Variants in RTL1 observed in about 807,000 individuals in gnomAD.
RTL1 encodes the protein retrotransposon-like protein 1.
For missense variants in RTL1, 1,681 were observed against 1,767.5 expected (o/e 0.95, Z 0.88); for synonymous variants, 727 against 748.4 (o/e 0.97, Z 0.47).
chr14:100,896,679 G>A (rs549617264), intron 2 of RTL1, among the ~76,000 whole-genome samples: 4 of 152,190 alleles, frequency 2.6e-5, no homozygotes, highest in Non-Finnish European at 5.9e-5. Context: ...GTTGCTTCCC[G>A]TTCTCCTGCA....
intron 3 of RTL1, among the ~76,000 whole-genome samples, chr14:100,889,110 A>G (rs898210957): frequency 4.6e-5 from 7 of 152,220 alleles, no homozygotes; most frequent in African/African-American, 1.7e-4. Flanking sequence ...GCAAAAATCC[A>G]AACTCCTTAG....
intron 2 of RTL1, among the ~76,000 whole-genome samples, chr14:100,899,869 C>T (rs1157245972): frequency 2.0e-5 from 3 of 152,204 alleles, no homozygotes; most frequent in Admixed American, 6.5e-5. Flanking sequence ...AAATGCTTAA[C>T]CCCCTCCCTG....
Position 100,882,137 on chromosome 14 carries a change from C to A in RTL1, c.2652G>T (p.Thr884=). The A allele has an allele frequency of 1.9e-6, 3 of 1,553,326 alleles. No individual in the cohort carries two copies. The highest frequency in any genetic ancestry group is 2.6e-6 in the Non-Finnish European group (3 of 1,148,176). The change falls in exon 4 of 4, where the codon ACG becomes ACT. Residue 884 remains threonine, a synonymous_variant. Transcript: ENST00000649591. ...PFYLETGVTG[T]ALHASLIQID... ...TTTGGATCAGGGAGGCGTGCAGGGCCGTGCCGGTGACGCCGGTTTCCAAGT... is the reference window on the plus strand; with the variant it reads ...TTTGGATCAGGGAGGCGTGCAGGGCAGTGCCGGTGACGCCGGTTTCCAAGT...
chr14:100,885,916 C>T (rs2038691902), intron 3 of RTL1, among the ~76,000 whole-genome samples: 1 of 152,158 alleles, frequency 6.6e-6, no homozygotes, highest in African/African-American at 2.4e-5. Context: ...TCCCAACAGA[C>T]ATGTATCTGG....
chr14:100,881,774 G>A lies in RTL1; in HGVS notation c.3015C>T (p.Phe1005=), dbSNP rs1436511544. Residue 1005 remains phenylalanine, a synonymous_variant, in exon 4 of 4, where the codon TTC becomes TTT. Coordinates refer to ENST00000649591, the MANE Select transcript of RTL1 (RefSeq NM_001134888.3). This position sits in a 1 kb window ranked among gnomAD's most constrained non-coding sequence, Gnocchi z 6.6. ...TTTGCCTGGCGGCAGTGTTCCTCTGGAAGGCTCTCCTCCACCGGAGGTTTC... is the reference window on the plus strand; with the variant it reads ...TTTGCCTGGCGGCAGTGTTCCTCTGAAAGGCTCTCCTCCACCGGAGGTTTC... ...PVRNLRWRRA[F]QRNTAARQTL... The A allele has an allele frequency of 6.2e-7, 1 of 1,613,766 alleles. No individual in the cohort carries two copies. Among genetic ancestry groups the A allele is most frequent in the Non-Finnish European group, 8.5e-7 (1 of 1,179,830 alleles).
Position 100,880,693 on chromosome 14 carries a change from T to A in RTL1, c.*19A>T, listed in dbSNP as rs1322798385. 4 of 1,545,460 alleles carry A rather than the reference T, an allele frequency of 2.6e-6. No individual in the cohort carries two copies. The highest frequency in any genetic ancestry group is 3.5e-6 in the Non-Finnish European group (4 of 1,143,452). On this transcript the variant is annotated 3_prime_UTR_variant, in exon 4 of 4. Coordinates refer to ENST00000649591, the MANE Select transcript of RTL1 (RefSeq NM_001134888.3). ...GTGAGAAATAGAGGGGACTCTTTGC[T>A]GGAGACAGGGAGGCGTCTTCAGTCG...
chr14:100,895,694 A>G (rs954231207), intron 2 of RTL1, among the ~76,000 whole-genome samples: 8 of 152,090 alleles, frequency 5.3e-5, no homozygotes, highest in Non-Finnish European at 1.2e-4. Flanking sequence ...AGAGGAGTGG[A>G]GTGTCTCCAA....
At position 100,884,190 on chromosome 14, in the gene RTL1, A is replaced by G; in HGVS notation, c.599T>C (p.Leu200Pro). 6.4e-7 allele frequency: 1 copy of G among 1,551,740 alleles called. No individual in the cohort carries two copies. Among genetic ancestry groups the G allele is most frequent in the Non-Finnish European group, 8.7e-7 (1 of 1,146,988 alleles). ...GCCAGAGAAGTGCTTTGGGGCGGGC[A>G]GTTGGCCTGCATTGATCCCTTTGAT... Reference protein sequence around the residue: ...ILIKGINAGQLPAPKHFSGDR... With the variant: ...ILIKGINAGQPPAPKHFSGDR... The change falls in exon 4 of 4, where the codon CTG becomes CCG. Residue 200 changes from leucine (L) to proline (P), a missense_variant. Coordinates refer to ENST00000649591, the MANE Select transcript of RTL1 (RefSeq NM_001134888.3).
Position 100,880,596 on chromosome 14 carries a change from T to C in RTL1, c.*116A>G. The C allele has an allele frequency of 1.3e-6, 2 of 1,490,830 alleles. No individual in the cohort carries two copies. The highest frequency in any genetic ancestry group is 4.9e-5 in the East Asian group (2 of 40,468). The allele number at this position is 1,490,830 out of a possible 1,614,324, so 92.4% of individuals were successfully genotyped here. ...CCTTCACAAGTGGGTTCCTCTTGGG[T>C]CAGGAGTGGCAGGAAGGGAAGCGAA... is the stretch of plus-strand genomic sequence containing the variant. On this transcript the variant is annotated 3_prime_UTR_variant, in exon 4 of 4. Transcript: ENST00000649591.
At chr14:100,887,055 A>T (rs1291276193) in intron 3 of RTL1, among the ~76,000 whole-genome samples, 2 of 152,238 alleles carry the variant, frequency 1.3e-5, no homozygotes, top group Non-Finnish European at 2.9e-5. Context: ...AGGTCATCTC[A>T]TAATTTCTCT....
chr14:100,881,611 G>A lies in RTL1; in HGVS notation c.3178C>T (p.Leu1060Phe), dbSNP rs1225017212. 1 of 1,551,820 alleles carries A rather than the reference G, an allele frequency of 6.4e-7. No individual in the cohort carries two copies. Among genetic ancestry groups the A allele is most frequent in the Non-Finnish European group, 8.7e-7 (1 of 1,147,042 alleles). ...LLAMIPIDQI[L>F]NSFLAHFSMA... is the part of the protein sequence containing the mutation. Reference sequence around the variant, plus strand: ...CTGAAGTGGGCGAGGAAGCTGTTGAGGATCTGGTCGATGGGTATCATGGCC... The same window carrying A: ...CTGAAGTGGGCGAGGAAGCTGTTGAAGATCTGGTCGATGGGTATCATGGCC... Residue 1060 changes from leucine to phenylalanine, a missense_variant, in exon 4 of 4, where the codon CTC becomes TTC. Coordinates refer to ENST00000649591, the MANE Select transcript of RTL1 (RefSeq NM_001134888.3). The surrounding 1 kb of genome is among the most constrained non-coding windows in gnomAD (Gnocchi z 6.6).
At chr14:100,899,512 C>T (rs1416968208) in intron 2 of RTL1, among the ~76,000 whole-genome samples, 1 of 152,076 alleles carries the variant, frequency 6.6e-6, no homozygotes, top group Non-Finnish European at 1.5e-5. Context: ...GCAGCATCCC[C>T]CTGGGGAGCT....
At position 100,882,661 on chromosome 14, in the gene RTL1, T is replaced by C. The variant is rs2038634939; in HGVS notation, c.2128A>G (p.Ile710Val). 6.4e-7 allele frequency: 1 copy of C among 1,551,972 alleles called. No homozygotes were observed. The highest frequency in any genetic ancestry group is 8.7e-7 in the Non-Finnish European group (1 of 1,147,078). Residue 710 changes from isoleucine (I) to valine (V), a missense_variant, in exon 4 of 4, where the codon ATC (isoleucine) becomes GTC (valine). Coordinates refer to ENST00000649591, the MANE Select transcript of RTL1 (RefSeq NM_001134888.3). ...YQPFALSPDPIIPQNVIHFIL... is the reference protein window; with the variant it reads ...YQPFALSPDPVIPQNVIHFIL... ...AAGTGAATCACGTTCTGAGGTATGA[T>C]AGGGTCTGGGGAGAGCGCAAACGGC...
At chr14:100,891,053 G>T (rs1055787768) in intron 3 of RTL1, among the ~76,000 whole-genome samples, 1 of 152,160 alleles carries the variant, frequency 6.6e-6, no homozygotes, top group African/African-American at 2.4e-5. Context: ...TGGTGAGGAG[G>T]CTGGTGAGAT....
chr14:100,895,366 G>A (rs1221294952), intron 2 of RTL1, among the ~76,000 whole-genome samples: 2 of 152,148 alleles, frequency 1.3e-5, no homozygotes, highest in Admixed American at 6.5e-5. Context: ...ACATGTGGCT[G>A]TAAATCATCC....
chr14:100,891,473 T>C (rs550720122), intron 3 of RTL1, among the ~76,000 whole-genome samples: 135 of 152,260 alleles, frequency 8.9e-4, no homozygotes, highest in Admixed American at 1.5e-3. Context: ...GGGGGTCTTC[T>C]GTAGAGGGAC....
chr14:100,902,584 G>A (rs557852796), intron 2 of RTL1, among the ~76,000 whole-genome samples: 1 of 152,018 alleles, frequency 6.6e-6, no homozygotes, highest in East Asian at 1.9e-4. Flanking sequence ...CTGGCCTCCC[G>A]GCCAGCCCTG....
chr14:100,881,556 T>C lies in RTL1; in HGVS notation c.3233A>G (p.His1078Arg). 2 of 1,551,684 alleles carry C rather than the reference T, an allele frequency of 1.3e-6. No individual in the cohort carries two copies. Among genetic ancestry groups the C allele is most frequent in the Non-Finnish European group, 1.7e-6 (2 of 1,146,998 alleles). ...SMAQIRAVIL[H>R]FFRGLLYWKN... ...CCAGTACAGGAGGCCTCGGAAGAAG[T>C]GCAGAATGACGGCCCTGATCTGGGC... The change falls in exon 4 of 4, where the codon CAC (histidine) becomes CGC (arginine). Residue 1078 changes from histidine to arginine, a missense_variant. Physicochemically the swap from His to Arg is conservative, Grantham distance 29. Coordinates refer to ENST00000649591, the MANE Select transcript of RTL1 (RefSeq NM_001134888.3). The surrounding 1 kb of genome is among the most constrained non-coding windows in gnomAD (Gnocchi z 6.6).
At chr14:100,899,884 G>A (rs965944146) in intron 2 of RTL1, among the ~76,000 whole-genome samples, 2 of 152,100 alleles carry the variant, frequency 1.3e-5, no homozygotes, top group African/African-American at 2.4e-5. Context: ...TCCCTGAGAC[G>A]GGCAGCTGCT....
Sources: allele counts gnomAD v4.1 joint callset (sites outside exome capture counted in the v4.1 genomes callset), GRCh38; gene constraint gnomAD v4.1.1; non-coding constraint Gnocchi (gnomAD v3.1); transcripts MANE v1.5; gene names NCBI Gene and HGNC (gene_info 2026-07-23, HGNC 2026-07-21).